Variants in CFAP57 observed in about 807,000 individuals in gnomAD.
CFAP57 encodes the protein cilia- and flagella-associated protein 57.
Under a neutral mutation model 146.8 loss-of-function variants are expected in CFAP57, and 116 were observed. That is an observed-to-expected ratio of 0.79 (90% CI 0.68 to 0.92). The LOEUF (loss-of-function observed/expected upper bound fraction) is 0.92, where lower values mean the gene tolerates loss of function less well. Ranked by LOEUF, CFAP57 falls within the 40% of genes least tolerant of loss-of-function variation. The pLI, the probability that CFAP57 is intolerant of heterozygous loss-of-function variation, is 0.00. For synonymous variants in CFAP57, 518 were observed against 552.8 expected (o/e 0.94, Z 0.88); for missense variants, 1,377 against 1,527.2 (o/e 0.90, Z 1.64).
Position 43,199,425 on chromosome 1 carries a change from A to C in CFAP57, c.1464A>C (p.Ala488=), listed in dbSNP as rs1557760124. Residue 488 remains alanine, a synonymous_variant, in exon 9 of 23, where the codon GCA becomes GCC. Coordinates refer to ENST00000372492, the MANE Select transcript of CFAP57 (RefSeq NM_001378189.1). The stretch of plus-strand genomic sequence containing the variant: ...GCAATGGAGGTCACCTGTTTGCTGC[A>C]GTCAATGGAAATGTGATTCACGTTT... The part of the protein sequence containing the change: ...SFSNGGHLFA[A]VNGNVIHVYT... The C allele has an allele frequency of 6.2e-7, 1 of 1,614,134 alleles. No homozygotes were observed. Among genetic ancestry groups the C allele is most frequent in the Non-Finnish European group, 8.5e-7 (1 of 1,180,030 alleles).
rs12118789 is a variant in CFAP57 at position 43,196,028 on chromosome 1, A to G, written c.1123-1525A>G. 8.0e-3 allele frequency among the ~76,000 whole-genome samples: 1,224 copies of G among 152,366 alleles called. 7 individuals are homozygous for G. The highest frequency in any genetic ancestry group is 0.017 in the South Asian group (82 of 4,832). Reference sequence around the variant, plus strand: ...GATGAGATTTAGAATTGGAAGAAAAAGGTTGGAATGTTTGAAAAGGAGAAT... The same window carrying G: ...GATGAGATTTAGAATTGGAAGAAAAGGGTTGGAATGTTTGAAAAGGAGAAT... On this transcript the variant is annotated intron_variant, in intron 6 of 22. Coordinates refer to ENST00000372492, the MANE Select transcript of CFAP57 (RefSeq NM_001378189.1).
At chr1:43,187,405 A>G (rs925182898) in intron 6 of CFAP57, among the ~76,000 whole-genome samples, 2 of 152,184 alleles carry the variant, frequency 1.3e-5, no homozygotes, top group African/African-American at 4.8e-5. Context: ...CAGAACAAGG[A>G]AAATAGACCA....
At chr1:43,229,007 T>A (rs1645364485) in intron 18 of CFAP57, among the ~76,000 whole-genome samples, 1 of 148,750 alleles carries the variant, frequency 6.7e-6, no homozygotes, top group South Asian at 2.2e-4. Flanking sequence ...AGACCTGACC[T>A]CCTAATCCCA....
Position 43,219,388 on chromosome 1 carries a change from G to A in CFAP57, c.2098G>A (p.Val700Ile). Residue 700 changes from valine to isoleucine, a missense_variant, in exon 13 of 23, where the codon GTT (valine) becomes ATT (isoleucine). Coordinates refer to ENST00000372492, the MANE Select transcript of CFAP57 (RefSeq NM_001378189.1). ...TTCTGTCCTTCTCCCAAAGGCTCAG[G>A]TTATGTTGGAGCTAAAGACTCGTGT... ...TKTDMEEKAQ[V>I]MLELKTRVEE... 1 of 1,550,156 alleles carries A rather than the reference G, an allele frequency of 6.5e-7. No homozygotes were observed. The highest frequency in any genetic ancestry group is 8.7e-7 in the Non-Finnish European group (1 of 1,146,654).
At chr1:43,185,381 G>A (rs752613247) in intron 5 of CFAP57, 25 bp downstream of exon 5, 3 of 1,605,870 alleles carry the variant, frequency 1.9e-6, no homozygotes, top group South Asian at 1.1e-5. Context: ...AAAAAAAGAA[G>A]TAAAATGGGG....
intron 21 of CFAP57, among the ~76,000 whole-genome samples, chr1:43,242,025 C>T (rs969521657): frequency 7.9e-5 from 12 of 152,170 alleles, no homozygotes; most frequent in Non-Finnish European, 1.8e-4. Context: ...CAGCAAGCTT[C>T]GTCCTCACTC....
In CFAP57 at chr1:43,254,122, C is replaced by T. The variant is rs1646385182; in HGVS notation, c.3684C>T (p.His1228=). The T allele has an allele frequency of 6.4e-7, 1 of 1,550,660 alleles. No individual in the cohort carries two copies. The highest frequency in any genetic ancestry group is 2.0e-5 in the Admixed American group (1 of 50,982). The stretch of plus-strand genomic sequence containing the variant: ...AGCAAGAGCAGGTCACAGGGTTCCA[C>T]ACCCTCGCTGGAGTTCGGCTTCCTT... ...IQEQEQVTGF[H]TLAGVRLPSL... The change falls in exon 23 of 23, where the codon CAC becomes CAT. Residue 1228 remains histidine, a synonymous_variant. Transcript: ENST00000372492.
In CFAP57 at chr1:43,222,160, G is replaced by C; in HGVS notation, c.2397G>C (p.Gln799His). Residue 799 changes from glutamine to histidine, a missense_variant, in exon 15 of 23, where the codon CAG (glutamine) becomes CAC (histidine). Physicochemically the swap from Gln to His is conservative, Grantham distance 24 (BLOSUM62 0). Transcript: ENST00000372492. ...AATATGAGAAGTACCAGGAGCTGCA[G>C]CTCAAGTCCCAGAGGATGCAGGAAG... Reference protein sequence around the residue: ...LLEYEKYQELQLKSQRMQEEY... With the variant: ...LLEYEKYQELHLKSQRMQEEY... The C allele has an allele frequency of 6.5e-7, 1 of 1,548,696 alleles. No individual in the cohort carries two copies. The highest frequency in any genetic ancestry group is 8.7e-7 in the Non-Finnish European group (1 of 1,145,882).
chr1:43,232,482 T>G, intron 18 of CFAP57, 26 bp from the exon 19 acceptor site: 1 of 1,534,236 alleles, frequency 6.5e-7, no homozygotes. Flanking sequence ...TTCTTCTTCT[T>G]GACTCTTTTC....
At chr1:43,210,147 G>A (rs779641362) in intron 11 of CFAP57, 42 of 1,594,334 alleles carry the variant, frequency 2.6e-5, no homozygotes, top group Admixed American at 3.5e-5. Flanking sequence ...TATGTACAAC[G>A]TTTTCACCAT....
Position 43,208,168 on chromosome 1 carries a change from G to A in CFAP57, c.1755+1236G>A, listed in dbSNP as rs1644436293. 2.0e-5 allele frequency among the ~76,000 whole-genome samples: 3 copies of A among 152,330 alleles called. No homozygotes were observed. In the South Asian group the frequency reaches 6.2e-4, roughly 32 times the overall value. On this transcript the variant is annotated intron_variant, in intron 10 of 22. Coordinates refer to ENST00000372492, the MANE Select transcript of CFAP57 (RefSeq NM_001378189.1). ...GGAAACAACAGGTGCTGGAGAGGAT[G>A]TGGAGAAATAGGAATAATTTTACAC...
chr1:43,180,842 C>A (rs189816706), intron 2 of CFAP57, among the ~76,000 whole-genome samples: 19 of 152,234 alleles, frequency 1.2e-4, no homozygotes, highest in Admixed American at 9.1e-4. Context: ...TATGGTCTGA[C>A]CCTATTCCAC....
At chr1:43,250,987 C>T (rs191585872) in intron 22 of CFAP57, among the ~76,000 whole-genome samples, 26 of 152,302 alleles carry the variant, frequency 1.7e-4, no homozygotes, top group African/African-American at 5.5e-4. Context: ...GGCAGTTCTT[C>T]CAAGGCAATC....
At position 43,227,107 on chromosome 1, in the gene CFAP57, T is replaced by C. The variant is rs997195625; in HGVS notation, c.2990T>C (p.Met997Thr). ...IEPRENEIRV[M>T]KEQIQEMEAE... Reference sequence around the variant, plus strand: ...CCTCGAGAGAATGAGATCAGGGTGATGAAGGAACAGATTCAGGAGGTAAGA... The same window carrying C: ...CCTCGAGAGAATGAGATCAGGGTGACGAAGGAACAGATTCAGGAGGTAAGA... Residue 997 changes from methionine to threonine, a missense_variant, in exon 18 of 23, where the codon ATG becomes ACG. Physicochemically the swap from Met to Thr is moderately conservative, Grantham distance 81. Coordinates refer to ENST00000372492, the MANE Select transcript of CFAP57 (RefSeq NM_001378189.1). 1.3e-6 allele frequency: 2 copies of C among 1,539,434 alleles called. No individual in the cohort carries two copies. The highest frequency in any genetic ancestry group is 2.8e-5 in the African/African-American group (2 of 72,408).
intron 2 of CFAP57, 27 bp downstream of exon 2, chr1:43,172,937 A>G: frequency 1.3e-6 from 2 of 1,599,742 alleles, no homozygotes; most frequent in Non-Finnish European, 1.7e-6. Context: ...CCTGACATAT[A>G]CAGGAATGGT....
At chr1:43,251,510 A>G (rs1376799376) in intron 22 of CFAP57, among the ~76,000 whole-genome samples, 3 of 152,256 alleles carry the variant, frequency 2.0e-5, no homozygotes, top group Non-Finnish European at 4.4e-5. Flanking sequence ...TCAGGCTTTA[A>G]GAGAAGAAGG....
chr1:43,249,736 C>T (rs1408097921), intron 22 of CFAP57, among the ~76,000 whole-genome samples: 5 of 151,556 alleles, frequency 3.3e-5, no homozygotes, highest in South Asian at 2.1e-4. Context: ...TGAGCCACTG[C>T]GCCTGGCCCA....
chr1:43,224,351 G>T (rs1180959984), intron 17 of CFAP57, 147 bp downstream of exon 17: 2 of 967,282 alleles, frequency 2.1e-6, no homozygotes, highest in East Asian at 2.7e-5. Flanking sequence ...AGTGCCTGTT[G>T]TGTGCTTGGC....
rs1645652566 is a variant in CFAP57 at position 43,235,514 on chromosome 1, T to C, written c.3405+876T>C. On this transcript the variant is annotated intron_variant, in intron 21 of 22. Coordinates refer to ENST00000372492, the MANE Select transcript of CFAP57 (RefSeq NM_001378189.1). The stretch of plus-strand genomic sequence containing the variant: ...AGATTGAAACAAACCAGTTCCCAGC[T>C]TGGCCAGTTCATACACAGCTGGGCA... Among the ~76,000 whole-genome samples the C allele has an allele frequency of 2.6e-5, 4 of 152,230 alleles. No homozygotes were observed. In the South Asian group the frequency reaches 6.2e-4, roughly 24 times the overall value.
Sources: gnomAD v4.1 joint callset for allele counts (sites outside exome capture counted in the v4.1 genomes callset) on GRCh38, gnomAD v4.1.1 for gene constraint, MANE v1.5 for transcripts, NCBI Gene and HGNC (gene_info 2026-07-23, HGNC 2026-07-21) for gene names.